The following PLCB1 variants were observed in gnomAD, a reference collection of about 807,000 sequenced individuals.
The protein encoded by PLCB1 is phospholipase C beta 1.
A neutral mutation model predicts 161.8 loss-of-function variants in PLCB1; 46 were observed. That is an observed-to-expected ratio of 0.28 (90% CI 0.22 to 0.36). The LOEUF (loss-of-function observed/expected upper bound fraction) is 0.36, where lower values mean the gene tolerates loss of function less well. Among genes scored for constraint, PLCB1 ranks in the 10% least tolerant of loss-of-function variants. The pLI, the probability that PLCB1 is intolerant of heterozygous loss-of-function variation, is 1.00. For missense variants in PLCB1, 1,016 were observed against 1,472.5 expected, an observed-to-expected ratio of 0.69 and a Z score of 5.07; for synonymous variants, 517 against 503.7, an observed-to-expected ratio of 1.03 and a Z score of -0.35.
chr20:8,354,580 A>G (rs1986297817), intron 2 of PLCB1, among the ~76,000 whole-genome samples: 1 of 152,190 alleles, frequency 6.6e-6, no homozygotes, highest in African/African-American at 2.4e-5. Context: ...TTATTAGTAA[A>G]TTAAATACTG....
intron 31 of PLCB1, among the ~76,000 whole-genome samples, chr20:8,846,289 G>C (rs1234343748): frequency 6.6e-6 from 1 of 151,882 alleles, no homozygotes; most frequent in Non-Finnish European, 1.5e-5. Context: ...AAATCTGCCC[G>C]CATGATAAAA....
intron 3 of PLCB1, among the ~76,000 whole-genome samples, chr20:8,401,483 T>A (rs1978548686): frequency 6.6e-6 from 1 of 152,236 alleles, no homozygotes; most frequent in African/African-American, 2.4e-5. Context: ...ATCTTTGAGC[T>A]ATCTGGACCT....
At chr20:8,175,761 C>T (rs1396316673) in intron 2 of PLCB1, among the ~76,000 whole-genome samples, 1 of 151,842 alleles carries the variant, frequency 6.6e-6, no homozygotes, top group Non-Finnish European at 1.5e-5. Context: ...CACATATCTG[C>T]CAAAGGACTT....
chr20:8,533,959 T>C (rs574769896), intron 3 of PLCB1, among the ~76,000 whole-genome samples: 1 of 152,340 alleles, frequency 6.6e-6, no homozygotes, highest in East Asian at 1.9e-4. Flanking sequence ...TCCTGAATGG[T>C]AATGCCTAGG....
At chr20:8,739,924 G>A (rs1337798266) in intron 21 of PLCB1, among the ~76,000 whole-genome samples, 1 of 152,196 alleles carries the variant, frequency 6.6e-6, no homozygotes, top group East Asian at 1.9e-4. Flanking sequence ...CAGCACTTTG[G>A]GAGGCTGAGG....
At chr20:8,880,575 C>T (rs935130711) in intron 31 of PLCB1, among the ~76,000 whole-genome samples, 2 of 152,282 alleles carry the variant, frequency 1.3e-5, no homozygotes, top group South Asian at 4.1e-4. Context: ...GTTGGTTACA[C>T]GAGTTTGTTT....
intron 3 of PLCB1, among the ~76,000 whole-genome samples, chr20:8,445,295 A>G (rs1440475377): frequency 6.6e-6 from 1 of 152,204 alleles, no homozygotes; most frequent in Admixed American, 6.5e-5. Flanking sequence ...ACCGTTTATT[A>G]AATAGGGAAT....
chr20:8,274,348 C>G (rs1982426688), intron 2 of PLCB1, among the ~76,000 whole-genome samples: 1 of 152,010 alleles, frequency 6.6e-6, no homozygotes, highest in South Asian at 2.1e-4. Context: ...ACTAATTATA[C>G]AGATACTATT....
chr20:8,221,754 A>G (rs56122911), intron 2 of PLCB1, among the ~76,000 whole-genome samples: 2,246 of 152,246 alleles, frequency 0.015, 69 homozygotes, highest in African/African-American at 0.051. Context: ...CATTCAGAGA[A>G]GAGAAGTTCA....
intron 2 of PLCB1, among the ~76,000 whole-genome samples, chr20:8,274,970 T>C (rs1982460966): frequency 1.3e-5 from 2 of 152,140 alleles, no homozygotes; most frequent in South Asian, 4.1e-4. Flanking sequence ...TGTTTTGCCC[T>C]TTTTTAAAAA....
intron 4 of PLCB1, among the ~76,000 whole-genome samples, chr20:8,643,130 G>A (rs902320929): frequency 4.6e-5 from 7 of 152,044 alleles, no homozygotes; most frequent in African/African-American, 1.7e-4. Flanking sequence ...CCAACATATA[G>A]AGTTCAAGGT....
intron 2 of PLCB1, chr20:8,249,486 G>T (rs938392810): frequency 5.3e-5 from 8 of 151,954 alleles, no homozygotes; most frequent in Non-Finnish European, 8.8e-5. Context: ...TAATTGGAAA[G>T]AAAACTTTGC....
At chr20:8,691,287 A>C (rs2123414354) in intron 10 of PLCB1, among the ~76,000 whole-genome samples, 1 of 152,244 alleles carries the variant, frequency 6.6e-6, no homozygotes, top group South Asian at 2.1e-4. Context: ...AATCCAATTG[A>C]ATCCTATTAA....
intron 3 of PLCB1, among the ~76,000 whole-genome samples, chr20:8,401,264 T>C (rs932294210): frequency 6.6e-6 from 1 of 152,242 alleles, no homozygotes; most frequent in Non-Finnish European, 1.5e-5. Context: ...AGCTATCATA[T>C]ACTGGAAATA....
At chr20:8,315,991 G>C (rs755458291) in intron 2 of PLCB1, among the ~76,000 whole-genome samples, 7 of 152,146 alleles carry the variant, frequency 4.6e-5, no homozygotes, top group Non-Finnish European at 7.4e-5. Flanking sequence ...TCAGGGGGTT[G>C]AACGCTATTC....
rs115403022 is a variant in PLCB1 at position 8,195,281 on chromosome 20, A to T, written c.177+44910A>T. 7.7e-3 allele frequency among the ~76,000 whole-genome samples: 1,171 copies of T among 152,074 alleles called. 15 individuals carry two copies. The highest frequency in any genetic ancestry group is 0.025 in the African/African-American group (1,046 of 41,506). On this transcript the variant is annotated intron_variant, in intron 2 of 31. Transcript: ENST00000338037. ...TTGTCTTTATGTTTTTCAAGTTAAG[A>T]TTCTCCTATAGATATATTAAACCTA... is the stretch of plus-strand genomic sequence containing the variant.
intron 2 of PLCB1, among the ~76,000 whole-genome samples, chr20:8,181,112 G>A (rs944603045): frequency 1.4e-4 from 21 of 151,718 alleles, no homozygotes; most frequent in Admixed American, 1.3e-3. Flanking sequence ...TTAGCCAGGC[G>A]TGGTGGCATG....
At chr20:8,714,714 G>A (rs1206040292) in intron 12 of PLCB1, among the ~76,000 whole-genome samples, 3 of 152,150 alleles carry the variant, frequency 2.0e-5, no homozygotes, top group South Asian at 2.1e-4. Context: ...GAAGGGGCAC[G>A]GTTGCTGTGG....
At chr20:8,525,889 C>G (rs566902520) in intron 3 of PLCB1, among the ~76,000 whole-genome samples, 1 of 151,692 alleles carries the variant, frequency 6.6e-6, no homozygotes, top group South Asian at 2.1e-4. Context: ...TGTTCAGCTC[C>G]TAAAAAATGA....
Sources: allele counts gnomAD v4.1 joint callset (sites outside exome capture counted in the v4.1 genomes callset), GRCh38; gene constraint gnomAD v4.1.1; transcripts MANE v1.5; gene names NCBI Gene and HGNC (gene_info 2026-07-23, HGNC 2026-07-21).